The following PRCD variants were observed in gnomAD, a reference collection of about 807,000 sequenced individuals.
PRCD encodes photoreceptor disc component.
A neutral mutation model predicts 10.1 loss-of-function variants in PRCD; 12 were observed. The ratio of observed to expected loss-of-function variants is 1.18; its 90% CI spans 0.76 to 1.92. PRCD has a LOEUF of 1.92. Ranked by LOEUF, PRCD falls within the 40% of genes most tolerant of loss-of-function variation. The pLI is 0.00. For synonymous variants in PRCD, 31 were observed against 26.2 expected, an observed-to-expected ratio of 1.18 and a Z score of -0.56; for missense variants, 61 against 72.2, an observed-to-expected ratio of 0.84 and a Z score of 0.56.
chr17:76,527,745 CGGT>C (rs2074784258), upstream of PRCD: 1 of 453,878 alleles, frequency 2.2e-6, no homozygotes, highest in African/African-American at 2.0e-5. Flanking sequence ...GTGGAGCTAG[CGGT>C]CGAGGTTTCT....
At chr17:76,529,732 G>A in intron 1 of PRCD, 9 of 985,348 alleles carry the variant, frequency 9.1e-6, no homozygotes, top group Non-Finnish European at 1.1e-5. Flanking sequence ...GGGGTGAGGG[G>A]GCAACCACTG....
downstream of PRCD, among the ~76,000 whole-genome samples, chr17:76,548,510 G>A (rs911073510): frequency 6.6e-6 from 1 of 152,232 alleles, no homozygotes; most frequent in African/African-American, 2.4e-5. Flanking sequence ...CCCAGCCTCG[G>A]TGGCCTAGTT....
chr17:76,542,746 C>T (rs2075006928), intron 3 of PRCD, 113 bp downstream of exon 3: 1 of 728,598 alleles, frequency 1.4e-6, no homozygotes. Flanking sequence ...CAGCTCTTGC[C>T]ACTGATGGAG....
At chr17:76,532,357 C>T (rs993564603) in intron 1 of PRCD, among the ~76,000 whole-genome samples, 2 of 152,222 alleles carry the variant, frequency 1.3e-5, no homozygotes, top group East Asian at 3.9e-4. Context: ...TCAGACATGC[C>T]TTACCTGGAG....
rs1458584375 is a variant in PRCD at position 76,553,172 on chromosome 17, ACTT to A, written n.153_155del. On this transcript the variant is annotated non_coding_transcript_exon_variant, in exon 2 of 2. Coordinates refer to the PRCD transcript ENST00000587063. Reference sequence around the variant, plus strand: ...AGATGGCTCCAGCAGGCCCAGCATCACTTCTTCTCAGTGTCCCAAAGCCAGAAG... The same window carrying A: ...AGATGGCTCCAGCAGGCCCAGCATCACTTCTCAGTGTCCCAAAGCCAGAAG... 9 of 152,218 alleles carry A rather than the reference ACTT, an allele frequency of 5.9e-5. No homozygotes were observed. The East Asian group carries it at 7.7e-4, about 13-fold the overall frequency. The allele number at this position is 152,218 out of a possible 1,614,324, so 9.4% of individuals were successfully genotyped here.
chr17:76,530,961 C>T lies in PRCD; in HGVS notation n.45+3128C>T, dbSNP rs773058254. On this transcript the variant is annotated intron_variant and non_coding_transcript_variant, in intron 1 of 4. Transcript: ENST00000397633. This position sits in a 1 kb window ranked among gnomAD's most constrained non-coding sequence, Gnocchi z 6.1. ...ATGGCGGGGAGGCTGCCCAGCCCACCCTCGCCCGCCTCCTCACGTGGTGGC... is the reference window on the plus strand; with the variant it reads ...ATGGCGGGGAGGCTGCCCAGCCCACTCTCGCCCGCCTCCTCACGTGGTGGC... The T allele has an allele frequency of 5.8e-6, 9 of 1,559,926 alleles. No homozygotes were observed. The highest frequency in any genetic ancestry group is 7.8e-6 in the Non-Finnish European group (9 of 1,150,366).
chr17:76,542,921 C>T (rs753397814), intron 3 of PRCD, 108 bp from the exon 4 acceptor site: 10 of 566,380 alleles, frequency 1.8e-5, no homozygotes, highest in East Asian at 4.2e-5. Flanking sequence ...AGGGCAGTGT[C>T]GGAGGACGCC....
At chr17:76,537,445 C>T (rs2143122403), upstream of PRCD, 2 of 1,599,062 alleles carry the variant, frequency 1.3e-6, no homozygotes, top group South Asian at 1.1e-5. Context: ...GGCATAGAGC[C>T]GGGCCCACAT....
At chr17:76,545,423 G>A (rs769949866), downstream of PRCD, 2 of 455,408 alleles carry the variant, frequency 4.4e-6, no homozygotes, top group South Asian at 3.1e-5. Context: ...GCAAAGAGCC[G>A]CTGCTTGGGA....
upstream of PRCD, chr17:76,527,708 C>G (rs1215767119): frequency 8.8e-6 from 4 of 454,044 alleles, no homozygotes; most frequent in Non-Finnish European, 1.8e-5. Context: ...CCCGGATCCC[C>G]CGGGGCTGCC....
At chr17:76,535,614 T>G (rs2074905322), upstream of PRCD, among the ~76,000 whole-genome samples, 1 of 152,080 alleles carries the variant, frequency 6.6e-6, no homozygotes. Context: ...CTGAGTGCAT[T>G]GGTAATGACC....
Position 76,531,211 on chromosome 17 carries a change from C to G in PRCD, n.45+3378C>G. The G allele has an allele frequency of 6.6e-7, 1 of 1,506,860 alleles. No individual in the cohort carries two copies. The highest frequency in any genetic ancestry group is 9.1e-7 in the Non-Finnish European group (1 of 1,102,712). 93.3% of individuals were successfully genotyped at this position (1,506,860 alleles called of 1,614,324 possible). A position where few individuals can be genotyped will look rare whatever the true frequency, so the allele number is the denominator to read the frequency against. ...TGCGTCCTGCAACCCCCAGGCCCCT[C>G]CGCCCCACGTGTGGCCGAGAGGATC... On this transcript the variant is annotated intron_variant and non_coding_transcript_variant, in intron 1 of 4. Coordinates refer to the PRCD transcript ENST00000397633. The surrounding 1 kb of genome is among the most constrained non-coding windows in gnomAD (Gnocchi z 7.4).
upstream of PRCD, chr17:76,538,519 C>G (rs368994898): frequency 1.1e-5 from 5 of 466,082 alleles, no homozygotes; most frequent in South Asian, 3.1e-5. Flanking sequence ...CAAGAACCAG[C>G]CGCTGCCCTG....
chr17:76,532,844 A>G (rs2074864188), intron 1 of PRCD, among the ~76,000 whole-genome samples: 1 of 152,122 alleles, frequency 6.6e-6, no homozygotes, highest in African/African-American at 2.4e-5. Flanking sequence ...GCCGACAATG[A>G]CTTTTTCACC....
At position 76,533,142 on chromosome 17, in the gene PRCD, G is replaced by T. The variant is rs2074868456; in HGVS notation, n.45+5309G>T. On this transcript the variant is annotated intron_variant and non_coding_transcript_variant, in intron 1 of 4. Transcript: ENST00000397633. The surrounding 1 kb of genome is among the most constrained non-coding windows in gnomAD (Gnocchi z 4.5). ...TGGTGGAACTGCTATTGGCGGGGAA[G>T]TTTGCACAGTGACCAGGGCACAGTC... Among the ~76,000 whole-genome samples the T allele has an allele frequency of 1.3e-5, 2 of 152,176 alleles. No homozygotes were observed. The highest frequency in any genetic ancestry group is 2.9e-5 in the Non-Finnish European group (2 of 68,034).
chr17:76,529,559 A>G lies in PRCD; in HGVS notation n.45+1726A>G, dbSNP rs991944171. On this transcript the variant is annotated intron_variant and non_coding_transcript_variant, in intron 1 of 4. Transcript: ENST00000397633. ...TTCCAGTCTCTCTTGGCCCTTGTAAAAAAGCCCTTTTCTCTGGAAGCAGGA... is the reference window on the plus strand; with the variant it reads ...TTCCAGTCTCTCTTGGCCCTTGTAAGAAAGCCCTTTTCTCTGGAAGCAGGA... 1.2e-5 allele frequency: 12 copies of G among 985,260 alleles called. No individual in the cohort carries two copies. The African/African-American group carries it at 2.1e-4, about 17-fold the overall frequency. 61.0% of individuals were successfully genotyped at this position (985,260 alleles called of 1,614,324 possible).
upstream of PRCD, among the ~76,000 whole-genome samples, chr17:76,539,867 A>C (rs2074964414): frequency 6.6e-6 from 1 of 152,230 alleles, no homozygotes; most frequent in South Asian, 2.1e-4. Flanking sequence ...AGCAAGGCCC[A>C]GTCTCATCAG....
In PRCD at chr17:76,528,610, G is replaced by A. The variant is rs757473237; in HGVS notation, n.45+777G>A. On this transcript the variant is annotated intron_variant and non_coding_transcript_variant, in intron 1 of 4. Transcript: ENST00000397633. The surrounding 1 kb of genome is among the most constrained non-coding windows in gnomAD (Gnocchi z 5.8). ...CCCGAAGAGGGCAGTGTGGCCGGTG[G>A]GCTGTGGACGAGATAGGAAGGGAAG... 12 of 1,278,000 alleles carry A rather than the reference G, an allele frequency of 9.4e-6. No individual in the cohort carries two copies. Among genetic ancestry groups the A allele is most frequent in the Admixed American group, 3.9e-5 (1 of 25,932 alleles). 79.2% of individuals were successfully genotyped at this position (1,278,000 alleles called of 1,614,324 possible). A position where few individuals can be genotyped will look rare whatever the true frequency, so the allele number is the denominator to read the frequency against.
Position 76,531,441 on chromosome 17 carries a change from A to C in PRCD, n.45+3608A>C. On this transcript the variant is annotated intron_variant and non_coding_transcript_variant, in intron 1 of 4. Transcript: ENST00000397633. This position sits in a 1 kb window ranked among gnomAD's most constrained non-coding sequence, Gnocchi z 7.4. Reference sequence around the variant, plus strand: ...GACGCGTGGGCGGTGGGGGCTCTGCAGCAGATGGGGGCGCATACCTTGAAG... The same window carrying C: ...GACGCGTGGGCGGTGGGGGCTCTGCCGCAGATGGGGGCGCATACCTTGAAG... 1.3e-6 allele frequency: 2 copies of C among 1,595,372 alleles called. No homozygotes were observed. Among genetic ancestry groups the C allele is most frequent in the Non-Finnish European group, 1.7e-6 (2 of 1,164,518 alleles).
Sources: allele counts gnomAD v4.1 joint callset (sites outside exome capture counted in the v4.1 genomes callset), GRCh38; gene constraint gnomAD v4.1.1; non-coding constraint Gnocchi (gnomAD v3.1); transcripts MANE v1.5; gene names NCBI Gene and HGNC (gene_info 2026-07-23, HGNC 2026-07-21).